Variants in ICA1L observed in about 807,000 individuals in gnomAD.
The protein encoded by ICA1L is islet cell autoantigen 1-like protein.
Under a neutral mutation model 61.3 loss-of-function variants are expected in ICA1L, and 50 were observed. The observed-to-expected ratio is 0.82, with a 90% CI of 0.65 to 1.03. ICA1L has a LOEUF of 1.03. Ranked by LOEUF, ICA1L falls within the 50% of genes least tolerant of loss-of-function variation. The pLI, the probability that ICA1L is intolerant of heterozygous loss-of-function variation, is 0.00. For missense variants in ICA1L, 508 were observed against 556.7 expected (o/e 0.91, Z 0.88); for synonymous variants, 161 against 191.3 (o/e 0.84, Z 1.31).
chr2:202,825,233 T>C (rs557578916), intron 3 of ICA1L, among the ~76,000 whole-genome samples: 17 of 151,700 alleles, frequency 1.1e-4, no homozygotes, highest in African/African-American at 3.9e-4. Context: ...CTTTGGGAGG[T>C]TGAGGCAGGA....
At position 202,776,726 on chromosome 2, in the gene ICA1L, C is replaced by CT. The variant is rs1340435376; in HGVS notation, c.*2806dup. The CT allele has an allele frequency of 2.6e-5, 4 of 152,160 alleles. No homozygotes were observed. Among genetic ancestry groups the CT allele is most frequent in the African/African-American group, 9.7e-5 (4 of 41,442 alleles). 9.4% of individuals were successfully genotyped at this position (152,160 alleles called of 1,614,324 possible). A position where few individuals can be genotyped will look rare whatever the true frequency, so the allele number is the denominator to read the frequency against. ...TTGTTGGAAGTTAGAACTGGACTTGCTAAGGAAGTTAATGTTGCTCTGGGT... is the reference window on the plus strand; with the variant it reads ...TTGTTGGAAGTTAGAACTGGACTTGCTTAAGGAAGTTAATGTTGCTCTGGGT... On this transcript the variant is annotated 3_prime_UTR_variant, in exon 13 of 13. Transcript: ENST00000358299.
Position 202,806,449 on chromosome 2 carries a change from C to T in ICA1L, c.910+5297G>A, listed in dbSNP as rs35858232. Among the ~76,000 whole-genome samples the T allele has an allele frequency of 3.1e-3, 473 of 152,130 alleles. 3 individuals carry two copies. Among genetic ancestry groups the T allele is most frequent in the Non-Finnish European group, 3.7e-3 (250 of 67,990 alleles). On this transcript the variant is annotated intron_variant, in intron 9 of 12. Transcript: ENST00000358299. ...TGCTTTGAGCCCAGGAGTTTGAGATCAGCCTGGGCAATATGGCGAAACCCA... is the reference window on the plus strand; with the variant it reads ...TGCTTTGAGCCCAGGAGTTTGAGATTAGCCTGGGCAATATGGCGAAACCCA...
chr2:202,791,939 A>G (rs542586448), intron 10 of ICA1L, among the ~76,000 whole-genome samples: 1 of 152,266 alleles, frequency 6.6e-6, no homozygotes, highest in African/African-American at 2.4e-5. Context: ...AGGCTGAGGC[A>G]GGTGGATCAC....
rs911414784 is a variant in ICA1L, at chr2:202,792,910, A to G, written c.986-3823T>C. Among the ~76,000 whole-genome samples, 8 of 152,250 alleles carry G rather than the reference A, an allele frequency of 5.3e-5. No individual in the cohort carries two copies. The South Asian group carries it at 1.0e-3, about 20-fold the overall frequency. On this transcript the variant is annotated intron_variant, in intron 10 of 12. Transcript: ENST00000358299. ...CCAGAAATAAAGGACTACCTTTTGTATGGCTTCATTTATATGGAATGTCCA... is the reference window on the plus strand; with the variant it reads ...CCAGAAATAAAGGACTACCTTTTGTGTGGCTTCATTTATATGGAATGTCCA...
Position 202,819,859 on chromosome 2 carries a change from C to T in ICA1L, c.400G>A (p.Val134Ile). 6.2e-7 allele frequency: 1 copy of T among 1,614,152 alleles called. No individual in the cohort carries two copies. Among genetic ancestry groups the T allele is most frequent in the Non-Finnish European group, 8.5e-7 (1 of 1,180,020 alleles). ...ACTGCCCTTTGACTGAATGTTGCTA[C>T]TTCTTGCTTCAGACGAGACAGAGGA... Reference protein sequence around the residue: ...CTPLSRLKQEVATFSQRAVSD... With the variant: ...CTPLSRLKQEIATFSQRAVSD... Residue 134 changes from valine (V) to isoleucine (I), a missense_variant, in exon 5 of 13, where the codon GTA becomes ATA. By Grantham distance (29) the Val-to-Ile change is conservative. Transcript: ENST00000358299.
chr2:202,863,805 C>G (rs1164870845), intron 1 of ICA1L, among the ~76,000 whole-genome samples: 2 of 127,634 alleles, frequency 1.6e-5, no homozygotes, highest in African/African-American at 2.9e-5. Flanking sequence ...CCAGCCTGGG[C>G]AAAAGAGAGA....
At chr2:202,831,226 A>C (rs1405704671) in intron 1 of ICA1L, among the ~76,000 whole-genome samples, 2 of 152,202 alleles carry the variant, frequency 1.3e-5, no homozygotes, top group Non-Finnish European at 2.9e-5. Flanking sequence ...CAAACCTCTT[A>C]ATATGTTATC....
chr2:202,823,112 T>C (rs1451479888), intron 3 of ICA1L, among the ~76,000 whole-genome samples: 1 of 152,224 alleles, frequency 6.6e-6, no homozygotes, highest in African/African-American at 2.4e-5. Flanking sequence ...CAACTGAACA[T>C]AAATGATCAC....
At chr2:202,835,215 CTTTTTTTTTT>C (rs544503963) in intron 1 of ICA1L, among the ~76,000 whole-genome samples, 5 of 120,658 alleles carry the variant, frequency 4.1e-5, no homozygotes, top group Admixed American at 8.8e-5. Flanking sequence ...TGATTTCTTC[CTTTTTTTTTT>C]TTTTTTTTTT....
chr2:202,779,641 G>A lies in ICA1L; in HGVS notation c.1341C>T (p.Asn447=), dbSNP rs201307569. The A allele has an allele frequency of 1.9e-6, 3 of 1,597,738 alleles. No homozygotes were observed. Among genetic ancestry groups the A allele is most frequent in the Admixed American group, 1.7e-5 (1 of 57,190 alleles). ...AGGCTGACATGTCTTGGTTGCCATT[G>A]TTGGGGGCTATTAAAAAAGAAAAAA... ...QSPKKLTRSP[N]NGNQDMSAWF... The change falls in exon 13 of 13, where the codon AAC becomes AAT. Residue 447 remains asparagine, a synonymous_variant. Coordinates refer to ENST00000358299, the MANE Select transcript of ICA1L (RefSeq NM_001288622.3).
At chr2:202,819,521 C>T in intron 5 of ICA1L, 180 bp downstream of exon 5, 3 of 591,114 alleles carry the variant, frequency 5.1e-6, no homozygotes, top group Non-Finnish European at 3.0e-6. Flanking sequence ...AGATGCCACT[C>T]CAGGAGTAAA....
At chr2:202,806,889 G>C (rs1693243009) in intron 9 of ICA1L, among the ~76,000 whole-genome samples, 1 of 152,102 alleles carries the variant, frequency 6.6e-6, no homozygotes, top group Non-Finnish European at 1.5e-5. Flanking sequence ...CCTTACCACA[G>C]TGGTTCAAAT....
At chr2:202,787,546 T>C (rs1692624270) in intron 11 of ICA1L, among the ~76,000 whole-genome samples, 1 of 152,270 alleles carries the variant, frequency 6.6e-6, no homozygotes, top group Non-Finnish European at 1.5e-5. Context: ...TTTTATTCTA[T>C]TCAATCAATT....
intron 8 of ICA1L, among the ~76,000 whole-genome samples, chr2:202,813,419 T>C (rs756917642): frequency 2.6e-5 from 4 of 152,222 alleles, no homozygotes; most frequent in African/African-American, 4.8e-5. Context: ...CATTTGTGTC[T>C]TAGTTCATTT....
rs1553535647 is a variant in ICA1L at position 202,821,419 on chromosome 2, T to A, written c.298A>T (p.Thr100Ser). 32 of 1,613,452 alleles carry A rather than the reference T, an allele frequency of 2.0e-5. 2 individuals carry two copies. The South Asian group carries it at 3.5e-4, about 18-fold the overall frequency. ...GCATCCATCATTTTGCCAGCTTGAG[T>A]TGCATCCCGTTCTGCTTGAAATTTT... ...FLKFQAERDA[T>S]QAGKMMDATG... The change falls in exon 4 of 13, where the codon ACT becomes TCT. Residue 100 changes from threonine to serine, a missense_variant. Coordinates refer to ENST00000358299, the MANE Select transcript of ICA1L (RefSeq NM_001288622.3).
chr2:202,840,860 G>A, intron 1 of ICA1L: 1 of 642,716 alleles, frequency 1.6e-6, no homozygotes, highest in South Asian at 1.5e-5. Flanking sequence ...GTTCATCCCA[G>A]ATCTCAGTCT....
intron 1 of ICA1L, among the ~76,000 whole-genome samples, chr2:202,837,743 CTT>C (rs893281332): frequency 6.8e-6 from 1 of 147,812 alleles, no homozygotes. Context: ...TAGGGCTTTT[CTT>C]TTTTTTTTGA....
chr2:202,848,718 A>G (rs1694532204), intron 1 of ICA1L, among the ~76,000 whole-genome samples: 1 of 152,202 alleles, frequency 6.6e-6, no homozygotes, highest in Non-Finnish European at 1.5e-5. Context: ...TAGTCTTTGT[A>G]TACATACATA....
chr2:202,818,745 C>T (rs1288503899), intron 5 of ICA1L, among the ~76,000 whole-genome samples: 1 of 152,202 alleles, frequency 6.6e-6, no homozygotes, highest in Non-Finnish European at 1.5e-5. Flanking sequence ...TCCTTGCCTT[C>T]TATGATGATT....
Sources: allele counts gnomAD v4.1 joint callset (sites outside exome capture counted in the v4.1 genomes callset), GRCh38; gene constraint gnomAD v4.1.1; transcripts MANE v1.5; gene names NCBI Gene and HGNC (gene_info 2026-07-23, HGNC 2026-07-21).